The following FNBP1L variants were observed in gnomAD, a reference collection of about 807,000 sequenced individuals.
The protein encoded by FNBP1L is formin-binding protein 1-like.
In FNBP1L, 36 loss-of-function variants were observed where a neutral mutation model predicts 91.2. That is an observed-to-expected ratio of 0.39 (90% CI 0.30 to 0.52). The LOEUF is 0.52. Among genes scored for constraint, FNBP1L ranks in the 20% least tolerant of loss-of-function variants. FNBP1L has a pLI of 0.66. For synonymous variants in FNBP1L, 242 were observed against 237.0 expected (o/e 1.02, Z -0.19); for missense variants, 571 against 732.1 (o/e 0.78, Z 2.54).
At chr1:93,504,980 T>G (rs1217340474) in intron 2 of FNBP1L, among the ~76,000 whole-genome samples, 1 of 152,144 alleles carries the variant, frequency 6.6e-6, no homozygotes, top group Non-Finnish European at 1.5e-5. Context: ...TTGTGTCATA[T>G]CCAAGAAATC....
At chr1:93,512,495 A>G (rs1222442675) in intron 2 of FNBP1L, among the ~76,000 whole-genome samples, 2 of 152,098 alleles carry the variant, frequency 1.3e-5, no homozygotes, top group Non-Finnish European at 1.5e-5. Context: ...CACCACACCT[A>G]TTCCAAAATT....
At chr1:93,514,750 C>G (rs1412806846) in intron 2 of FNBP1L, among the ~76,000 whole-genome samples, 3 of 151,612 alleles carry the variant, frequency 2.0e-5, no homozygotes, top group African/African-American at 7.3e-5. Context: ...TTCCTTACAC[C>G]TTATACAAAA....
At chr1:93,471,901 C>T (rs1669300041) in intron 1 of FNBP1L, among the ~76,000 whole-genome samples, 1 of 152,072 alleles carries the variant, frequency 6.6e-6, no homozygotes, top group Non-Finnish European at 1.5e-5. Context: ...CTAATAATAA[C>T]ATTAATTTAT....
In FNBP1L at chr1:93,544,184, T is replaced by C; in HGVS notation, c.1242T>C (p.Leu414=). The change falls in exon 12 of 17, where the codon CTT becomes CTC. Residue 414 remains leucine (L), a synonymous_variant. Transcript: ENST00000271234. ...AACTACAGCAGCGCATTGATGAACTTAACAGAGAACTACAGAAAGAATCAG... is the reference window on the plus strand; with the variant it reads ...AACTACAGCAGCGCATTGATGAACTCAACAGAGAACTACAGAAAGAATCAG... ...RKKLQQRIDE[L]NRELQKESDQ... 6.2e-7 allele frequency: 1 copy of C among 1,611,526 alleles called. No individual in the cohort carries two copies. Among genetic ancestry groups the C allele is most frequent in the Non-Finnish European group, 8.5e-7 (1 of 1,178,492 alleles).
In FNBP1L at chr1:93,521,400, A is replaced by G. The variant is rs540202956; in HGVS notation, c.141-682A>G. ...TTAGTATTAAAGTCCTCAATTTGTG[A>G]AAAAAAAGCGATGGTATTTCTTTGA... On this transcript the variant is annotated intron_variant, in intron 2 of 16. Transcript: ENST00000271234. Among the ~76,000 whole-genome samples, 3 of 151,946 alleles carry G rather than the reference A, an allele frequency of 2.0e-5. No individual in the cohort carries two copies. In the South Asian group the frequency reaches 6.3e-4, roughly 32 times the overall value.
rs1054989453 is a variant in FNBP1L, at chr1:93,553,414, G to A, written c.*998G>A. 1 of 152,692 alleles carries A rather than the reference G, an allele frequency of 6.5e-6. No homozygotes were observed. The highest frequency in any genetic ancestry group is 2.4e-5 in the African/African-American group (1 of 41,468). 9.5% of individuals were successfully genotyped at this position (152,692 alleles called of 1,614,324 possible). Reference sequence around the variant, plus strand: ...CTGCAGCACCGCTGCAGCTGCCGATGTAGCCTCGGTAGGTGGCTATTAGAG... The same window carrying A: ...CTGCAGCACCGCTGCAGCTGCCGATATAGCCTCGGTAGGTGGCTATTAGAG... On this transcript the variant is annotated 3_prime_UTR_variant, in exon 17 of 17. Coordinates refer to ENST00000271234, the MANE Select transcript of FNBP1L (RefSeq NM_001164473.3).
intron 1 of FNBP1L, among the ~76,000 whole-genome samples, chr1:93,486,087 A>G (rs148562434): frequency 1.1e-3 from 170 of 152,358 alleles, no homozygotes; most frequent in African/African-American, 3.8e-3. Flanking sequence ...TCAGAGATCA[A>G]GTGCTAGTAA....
chr1:93,501,388 G>GC (rs1257679048), intron 2 of FNBP1L, among the ~76,000 whole-genome samples: 3 of 152,140 alleles, frequency 2.0e-5, no homozygotes, highest in Non-Finnish European at 4.4e-5. Flanking sequence ...TCAAAGGCAT[G>GC]CCCCCGGCTT....
chr1:93,545,230 A>G (rs970604886), intron 12 of FNBP1L, among the ~76,000 whole-genome samples: 6 of 152,134 alleles, frequency 3.9e-5, no homozygotes, highest in Non-Finnish European at 7.4e-5. Context: ...TTAAACACCA[A>G]TATCAACAAA....
chr1:93,520,055 T>G (rs1671270373), intron 2 of FNBP1L, among the ~76,000 whole-genome samples: 2 of 152,186 alleles, frequency 1.3e-5, no homozygotes, highest in Admixed American at 1.3e-4. Context: ...TTTCCACCCC[T>G]CACTGGGTGT....
intron 1 of FNBP1L, among the ~76,000 whole-genome samples, chr1:93,474,456 A>T (rs1263914200): frequency 6.6e-6 from 1 of 152,196 alleles, no homozygotes; most frequent in Non-Finnish European, 1.5e-5. Flanking sequence ...TATTGAGATA[A>T]GATAAGCAGG....
intron 2 of FNBP1L, among the ~76,000 whole-genome samples, chr1:93,511,557 A>G (rs1484355256): frequency 6.6e-6 from 1 of 152,230 alleles, no homozygotes; most frequent in Middle Eastern, 3.2e-3. Flanking sequence ...CTAATGAGCA[A>G]AATAACCAGC....
intron 2 of FNBP1L, among the ~76,000 whole-genome samples, chr1:93,506,308 T>C (rs771675500): frequency 2.0e-5 from 3 of 152,184 alleles, no homozygotes; most frequent in Admixed American, 6.5e-5. Flanking sequence ...AGACTGGCTT[T>C]CTCCATGTGG....
intron 1 of FNBP1L, among the ~76,000 whole-genome samples, chr1:93,456,296 A>G (rs531292690): frequency 6.6e-6 from 1 of 152,350 alleles, no homozygotes; most frequent in Admixed American, 6.5e-5. Flanking sequence ...ACTAATCAGC[A>G]GACTTTACAA....
At chr1:93,468,867 A>G (rs1425451110) in intron 1 of FNBP1L, among the ~76,000 whole-genome samples, 1 of 152,180 alleles carries the variant, frequency 6.6e-6, no homozygotes, top group Non-Finnish European at 1.5e-5. Context: ...TTATATTACC[A>G]CCAGGAATGT....
intron 5 of FNBP1L, among the ~76,000 whole-genome samples, chr1:93,525,286 A>G (rs928533172): frequency 2.0e-5 from 3 of 152,100 alleles, no homozygotes; most frequent in African/African-American, 7.2e-5. Flanking sequence ...AATCTCATGT[A>G]TATACTTCCA....
At chr1:93,547,205 C>A in intron 13 of FNBP1L, 142 bp from the exon 14 acceptor site, 2 of 885,276 alleles carry the variant, frequency 2.3e-6, no homozygotes, top group Non-Finnish European at 3.4e-6. Context: ...AAAGTTGATC[C>A]TTTGACCAGT....
chr1:93,520,119 T>G (rs1671272719), intron 2 of FNBP1L, among the ~76,000 whole-genome samples: 1 of 152,194 alleles, frequency 6.6e-6, no homozygotes, highest in Non-Finnish European at 1.5e-5. Context: ...ATGCAGTATA[T>G]TACAATTATT....
At chr1:93,473,682 A>G (rs1370534343) in intron 1 of FNBP1L, among the ~76,000 whole-genome samples, 1 of 152,230 alleles carries the variant, frequency 6.6e-6, no homozygotes, top group Non-Finnish European at 1.5e-5. Context: ...AGACATTTGT[A>G]TTAGTCTGTG....
Sources: gnomAD v4.1 joint callset for allele counts (sites outside exome capture counted in the v4.1 genomes callset) on GRCh38, gnomAD v4.1.1 for gene constraint, MANE v1.5 for transcripts, NCBI Gene and HGNC (gene_info 2026-07-23, HGNC 2026-07-21) for gene names.